The following MYOM2 variants were observed in gnomAD, a reference collection of about 807,000 sequenced individuals.
MYOM2 encodes myomesin-2.
Under a neutral mutation model 187.6 loss-of-function variants are expected in MYOM2, and 254 were observed. The observed-to-expected ratio is 1.35, with a 90% CI of 1.22 to 1.50. The LOEUF is 1.50. MYOM2 is among the 40% of genes most tolerant of loss of function. The pLI is 0.00. For missense variants in MYOM2, 2,796 were observed against 1,924.0 expected (o/e 1.45, Z -8.48); for synonymous variants, 981 against 753.8 (o/e 1.30, Z -4.94).
intron 1 of MYOM2, among the ~76,000 whole-genome samples, chr8:2,049,032 C>T (rs1818398652): frequency 6.6e-6 from 1 of 152,098 alleles, no homozygotes. Flanking sequence ...ACCTCGTGAT[C>T]CACCCGCCTT....
intron 1 of MYOM2, among the ~76,000 whole-genome samples, chr8:2,046,670 A>G (rs185908786): frequency 1.3e-4 from 20 of 152,020 alleles, no homozygotes; most frequent in Non-Finnish European, 2.5e-4. Flanking sequence ...CAGCCTCCCA[A>G]TGCGCCTGAG....
At position 2,096,102 on chromosome 8, in the gene MYOM2, T is replaced by G. The variant is rs539077979; in HGVS notation, c.2126-145T>G. ...GTGTAAAGACCAAGGTGGTTAAGTG[T>G]GGGTTGAGAGGGATCAGAGGGCACA... On this transcript the variant is annotated intron_variant, in intron 17 of 36. Coordinates refer to ENST00000262113, the MANE Select transcript of MYOM2 (RefSeq NM_003970.4). 721 of 701,920 alleles carry G rather than the reference T, an allele frequency of 1.0e-3. 2 individuals are homozygous for G. The highest frequency in any genetic ancestry group is 1.4e-3 in the Non-Finnish European group (595 of 412,368). The allele number at this position is 701,920 out of a possible 1,614,324, so 43.5% of individuals were successfully genotyped here.
intron 8 of MYOM2, among the ~76,000 whole-genome samples, chr8:2,071,790 A>G (rs1328153944): frequency 6.6e-6 from 1 of 152,194 alleles, no homozygotes; most frequent in Non-Finnish European, 1.5e-5. Flanking sequence ...CTCAGCAGGC[A>G]TGGCTTCTGG....
intron 1 of MYOM2, among the ~76,000 whole-genome samples, chr8:2,047,009 G>C (rs911772797): frequency 6.6e-6 from 1 of 152,172 alleles, no homozygotes; most frequent in Non-Finnish European, 1.5e-5. Flanking sequence ...ATGCTTACAT[G>C]AGCATCTCAA....
rs367866746 is a variant in MYOM2, at chr8:2,125,971, CA to C, written c.3694+1755del. Among the ~76,000 whole-genome samples, 11 of 152,112 alleles carry C rather than the reference CA, an allele frequency of 7.2e-5. No individual in the cohort carries two copies. In the South Asian group the frequency reaches 2.1e-3, roughly 29 times the overall value. On this transcript the variant is annotated intron_variant, in intron 31 of 36. Coordinates refer to ENST00000262113, the MANE Select transcript of MYOM2 (RefSeq NM_003970.4). ...AACATCGAAATTTTGATAAGAATTG[CA>C]TTCAATCTTTAGATTGCTTTGGGTA...
chr8:2,116,895 C>T lies in MYOM2; in HGVS notation c.3385+620C>T, dbSNP rs560887141. Among the ~76,000 whole-genome samples the T allele has an allele frequency of 2.2e-3, 339 of 151,800 alleles. 1 individual carries two copies. Among genetic ancestry groups the T allele is most frequent in the Non-Finnish European group, 3.8e-3 (260 of 67,850 alleles). On this transcript the variant is annotated intron_variant, in intron 27 of 36. Transcript: ENST00000262113. ...GCCTCAGCCTCCCGAATAGCTGGGACTACAGGCGCCCGCCACTATGCCCGG... is the reference window on the plus strand; with the variant it reads ...GCCTCAGCCTCCCGAATAGCTGGGATTACAGGCGCCCGCCACTATGCCCGG...
intron 8 of MYOM2, among the ~76,000 whole-genome samples, chr8:2,071,124 A>C (rs1262332716): frequency 6.6e-6 from 1 of 151,916 alleles, no homozygotes; most frequent in African/African-American, 2.4e-5. Flanking sequence ...TGTGTCACCA[A>C]ACCCGGCTCG....
chr8:2,068,175 T>G lies in MYOM2; in HGVS notation c.654-1103T>G, dbSNP rs561710716. ...GGGGGCGGCAGCTCTTCAATGCCTG[T>G]GCACACCAGGCCGAGAGCATCCTGG... On this transcript the variant is annotated intron_variant, in intron 6 of 36. Transcript: ENST00000262113. Among the ~76,000 whole-genome samples the G allele has an allele frequency of 5.1e-4, 77 of 151,196 alleles. 2 individuals are homozygous for G. The highest frequency in any genetic ancestry group is 1.8e-3 in the African/African-American group (73 of 41,218).
chr8:2,141,504 G>C (rs1798272383), intron 34 of MYOM2, among the ~76,000 whole-genome samples: 1 of 152,230 alleles, frequency 6.6e-6, no homozygotes, highest in Non-Finnish European at 1.5e-5. Context: ...ATAAACCTGA[G>C]TGGGGCTTTT....
intron 34 of MYOM2, 91 bp from the exon 35 acceptor site, chr8:2,142,284 C>A: frequency 1.6e-6 from 2 of 1,257,416 alleles, no homozygotes; most frequent in Admixed American, 1.7e-5. Flanking sequence ...TTTGCTTCAT[C>A]GCTAGTGAGC....
rs1234714863 is a variant in MYOM2, at chr8:2,096,168, C to G, written c.2126-79C>G. 4.9e-6 allele frequency: 7 copies of G among 1,433,166 alleles called. No individual in the cohort carries two copies. The African/African-American group carries it at 8.5e-5, about 17-fold the overall frequency. The allele number at this position is 1,433,166 out of a possible 1,614,324, so 88.8% of individuals were successfully genotyped here. A position where few individuals can be genotyped will look rare whatever the true frequency, so the allele number is the denominator to read the frequency against. On this transcript the variant is annotated intron_variant, in intron 17 of 36. Transcript: ENST00000262113. ...TCCACGTTGCTTCCTCCTCCCTCTGCCACACTGGAGCTGGCTGCCCCGGGG... is the reference window on the plus strand; with the variant it reads ...TCCACGTTGCTTCCTCCTCCCTCTGGCACACTGGAGCTGGCTGCCCCGGGG...
chr8:2,102,943 T>G (rs1796759835), intron 21 of MYOM2, among the ~76,000 whole-genome samples, 162 bp downstream of exon 21: 1 of 150,992 alleles, frequency 6.6e-6, no homozygotes, highest in Non-Finnish European at 1.5e-5. Flanking sequence ...AATGGGAGAG[T>G]GTGCATGTGT....
chr8:2,136,623 T>G (rs1468289246), intron 32 of MYOM2, among the ~76,000 whole-genome samples: 1 of 148,304 alleles, frequency 6.7e-6, no homozygotes, highest in Admixed American at 6.7e-5. Context: ...AGTGAAGCAA[T>G]TGTGTGCAGT....
Position 2,123,329 on chromosome 8 carries a change from C to G in MYOM2, c.3531C>G (p.Asn1177Lys). Residue 1177 changes from asparagine to lysine, a missense_variant, in exon 29 of 37, where the codon AAC becomes AAG. Physicochemically the swap from Asn to Lys is moderately conservative, Grantham distance 94. Transcript: ENST00000262113. ...DVLYETETLP[N>K]LERGICELLI... Reference sequence around the variant, plus strand: ...TGTATGAAACGGAGACACTGCCTAACCTGGAGAGGGGAATCTGTGAGCTCC... The same window carrying G: ...TGTATGAAACGGAGACACTGCCTAAGCTGGAGAGGGGAATCTGTGAGCTCC... 6.2e-7 allele frequency: 1 copy of G among 1,613,716 alleles called. No individual in the cohort carries two copies. The highest frequency in any genetic ancestry group is 1.3e-5 in the African/African-American group (1 of 74,972).
At chr8:2,088,496 C>T (rs1055627285) in intron 14 of MYOM2, among the ~76,000 whole-genome samples, 2 of 152,178 alleles carry the variant, frequency 1.3e-5, no homozygotes, top group Non-Finnish European at 2.9e-5. Flanking sequence ...GTGTTTAGCT[C>T]CCACTTATAA....
intron 27 of MYOM2, among the ~76,000 whole-genome samples, chr8:2,116,762 T>A (rs568534498): frequency 8.5e-5 from 13 of 152,268 alleles, no homozygotes; most frequent in Middle Eastern, 3.4e-3. Flanking sequence ...TTCAAAGAAT[T>A]TTTTTTCTTT....
intron 6 of MYOM2, among the ~76,000 whole-genome samples, chr8:2,059,584 T>C (rs1363903993): frequency 6.6e-6 from 1 of 152,134 alleles, no homozygotes; most frequent in Non-Finnish European, 1.5e-5. Flanking sequence ...GTTCAGACTC[T>C]TCAAAGAATG....
At chr8:2,066,833 A>G (rs2129332510) in intron 6 of MYOM2, among the ~76,000 whole-genome samples, 1 of 152,360 alleles carries the variant, frequency 6.6e-6, no homozygotes, top group Admixed American at 6.5e-5. Context: ...ACCTGGGGAC[A>G]TGGCTGTGCC....
At chr8:2,143,253 A>G in intron 35 of MYOM2, 148 bp from the exon 36 acceptor site, 1 of 885,634 alleles carries the variant, frequency 1.1e-6, no homozygotes, top group South Asian at 1.5e-5. Flanking sequence ...AACTGTAAAC[A>G]TATAAACCTT....
Sources: allele counts gnomAD v4.1 joint callset (sites outside exome capture counted in the v4.1 genomes callset), GRCh38; gene constraint gnomAD v4.1.1; transcripts MANE v1.5; gene names NCBI Gene and HGNC (gene_info 2026-07-23, HGNC 2026-07-21).